The following SLC5A8 variants were observed in gnomAD, a reference collection of about 807,000 sequenced individuals.
SLC5A8 encodes solute carrier family 5 member 8, also known as sodium-coupled monocarboxylate transporter 1.
A neutral mutation model predicts 71.9 loss-of-function variants in SLC5A8; 55 were observed. That is an observed-to-expected ratio of 0.77 (90% CI 0.62 to 0.96). The LOEUF is 0.96. SLC5A8 is among the 40% of genes least tolerant of loss of function. The probability of loss-of-function intolerance (pLI) is 0.00; values close to 1 mark genes in which losing one functional copy is unlikely to be tolerated. For synonymous variants in SLC5A8, 307 were observed against 276.1 expected, an observed-to-expected ratio of 1.11 and a Z score of -1.11; for missense variants, 701 against 745.3, an observed-to-expected ratio of 0.94 and a Z score of 0.69.
At chr12:101,204,957 T>C (rs1045156374) in intron 1 of SLC5A8, among the ~76,000 whole-genome samples, 1 of 152,190 alleles carries the variant, frequency 6.6e-6, no homozygotes, top group African/African-American at 2.4e-5. Flanking sequence ...CTTTCTGTAT[T>C]TTTAGAGCGA....
intron 2 of SLC5A8, 152 bp from the exon 3 acceptor site, chr12:101,202,367 G>T: frequency 1.4e-6 from 1 of 702,584 alleles, no homozygotes; most frequent in Non-Finnish European, 2.2e-6. Context: ...TTTGTAACTT[G>T]CAAAATATTT....
Position 101,193,694 on chromosome 12 carries a change from A to T in SLC5A8, c.623T>A (p.Val208Glu). 6.2e-7 allele frequency: 1 copy of T among 1,614,206 alleles called. No individual in the cohort carries two copies. The highest frequency in any genetic ancestry group is 8.5e-7 in the Non-Finnish European group (1 of 1,180,026). The change falls in exon 5 of 15, where the codon GTG (valine) becomes GAG (glutamate). Residue 208 changes from valine to glutamate, a missense_variant. Coordinates refer to ENST00000536262, the MANE Select transcript of SLC5A8 (RefSeq NM_145913.5). ...AGFASVIIQA[V>E]VMQGGISTIL... Reference sequence around the variant, plus strand: ...AGTGCTGATTCCACCTTGCATCACCACAGCCTGTATAATCACGGATGCAAA... The same window carrying T: ...AGTGCTGATTCCACCTTGCATCACCTCAGCCTGTATAATCACGGATGCAAA...
intron 2 of SLC5A8, among the ~76,000 whole-genome samples, chr12:101,202,973 G>T (rs549107655): frequency 6.6e-6 from 1 of 152,302 alleles, no homozygotes; most frequent in Non-Finnish European, 1.5e-5. Context: ...CATGAGTAGA[G>T]CTATGAAGTC....
At chr12:101,183,035 CTTTT>C (rs34182928) in intron 8 of SLC5A8, 120 bp from the exon 9 acceptor site, 366 of 74,398 alleles carry the variant, frequency 4.9e-3, no homozygotes, top group South Asian at 0.02. Flanking sequence ...TTCTACTATG[CTTTT>C]TTTTTTTTTT....
chr12:101,158,590 CTCTCTCTCTATA>C (rs1350419729), intron 13 of SLC5A8, among the ~76,000 whole-genome samples: 692 of 31,140 alleles, frequency 0.022, 2 homozygotes, highest in Non-Finnish European at 0.027. Context: ...CTCTCTCTCT[CTCTCTCTCTATA>C]TATATATATA....
intron 13 of SLC5A8, among the ~76,000 whole-genome samples, chr12:101,160,943 G>T (rs1566304625): frequency 6.6e-6 from 1 of 152,040 alleles, no homozygotes; most frequent in Non-Finnish European, 1.5e-5. Context: ...AAACAAAAAA[G>T]AAAATGTCCA....
chr12:101,208,490 G>C lies in SLC5A8; in HGVS notation c.351+1008C>G, dbSNP rs141008504. 1.3e-3 allele frequency among the ~76,000 whole-genome samples: 196 copies of C among 152,248 alleles called. 1 individual carries two copies. Among genetic ancestry groups the C allele is most frequent in the Middle Eastern group, 6.8e-3 (2 of 294 alleles). Reference sequence around the variant, plus strand: ...GTGCTGGGTGAGGGAGACCACTGAAGGCACTGAACTGGGCCCCGCCACTCC... The same window carrying C: ...GTGCTGGGTGAGGGAGACCACTGAACGCACTGAACTGGGCCCCGCCACTCC... On this transcript the variant is annotated intron_variant, in intron 1 of 14. Transcript: ENST00000536262.
intron 12 of SLC5A8, among the ~76,000 whole-genome samples, chr12:101,166,141 A>C (rs1175527018): frequency 6.6e-6 from 1 of 152,222 alleles, no homozygotes; most frequent in African/African-American, 2.4e-5. Flanking sequence ...AGACTATATA[A>C]GCAATATTTA....
rs1420379049 is a variant in SLC5A8, at chr12:101,156,949, A to C, written c.*330T>G. 2.5e-5 allele frequency: 5 copies of C among 198,042 alleles called. No homozygotes were observed. The highest frequency in any genetic ancestry group is 5.1e-5 in the Non-Finnish European group (5 of 98,538). 12.3% of individuals were successfully genotyped at this position (198,042 alleles called of 1,614,324 possible). A position where few individuals can be genotyped will look rare whatever the true frequency, so the allele number is the denominator to read the frequency against. ...TGGAAAATATTTTCAATAATACCCAAATTTAAGAATATACCTTTGACAATC... is the reference window on the plus strand; with the variant it reads ...TGGAAAATATTTTCAATAATACCCACATTTAAGAATATACCTTTGACAATC... On this transcript the variant is annotated 3_prime_UTR_variant, in exon 15 of 15. Coordinates refer to ENST00000536262, the MANE Select transcript of SLC5A8 (RefSeq NM_145913.5).
intron 3 of SLC5A8, among the ~76,000 whole-genome samples, chr12:101,195,631 A>C (rs1050901534): frequency 6.6e-6 from 1 of 152,028 alleles, no homozygotes; most frequent in Non-Finnish European, 1.5e-5. Context: ...ATTCAAATGT[A>C]ATCTTTATAA....
At chr12:101,184,111 G>A (rs959436290) in intron 8 of SLC5A8, 23 bp downstream of exon 8, 1 of 1,589,988 alleles carries the variant, frequency 6.3e-7, no homozygotes, top group Non-Finnish European at 8.6e-7. Context: ...GAAATCATAT[G>A]TTATTAGAGT....
intron 3 of SLC5A8, 41 bp from the exon 4 acceptor site, chr12:101,195,203 G>A (rs1308239786): frequency 1.3e-6 from 2 of 1,588,362 alleles, no homozygotes; most frequent in Non-Finnish European, 1.7e-6. Context: ...TGTGAAATAT[G>A]CACAATAAAA....
At chr12:101,176,228 C>CA (rs573419237) in intron 10 of SLC5A8, among the ~76,000 whole-genome samples, 114 of 151,850 alleles carry the variant, frequency 7.5e-4, no homozygotes, top group African/African-American at 2.5e-3. Context: ...CACCTCACAG[C>CA]AAAAAAATTT....
At chr12:101,201,922 C>A (rs556413593) in intron 3 of SLC5A8, among the ~76,000 whole-genome samples, 1 of 152,274 alleles carries the variant, frequency 6.6e-6, no homozygotes, top group East Asian at 1.9e-4. Flanking sequence ...CTGATGGGCA[C>A]ATCCCAGAGA....
At chr12:101,166,154 C>T (rs2051767450) in intron 12 of SLC5A8, among the ~76,000 whole-genome samples, 1 of 152,142 alleles carries the variant, frequency 6.6e-6, no homozygotes, top group Non-Finnish European at 1.5e-5. Flanking sequence ...AATATTTATT[C>T]TATAATTGTG....
chr12:101,201,137 T>C (rs776040072), intron 3 of SLC5A8, among the ~76,000 whole-genome samples: 20 of 152,212 alleles, frequency 1.3e-4, no homozygotes, highest in Non-Finnish European at 2.6e-4. Flanking sequence ...AACCATAATA[T>C]GTTCAATTAC....
chr12:101,207,610 T>C (rs1869727524), intron 1 of SLC5A8, among the ~76,000 whole-genome samples: 1 of 152,140 alleles, frequency 6.6e-6, no homozygotes, highest in Admixed American at 6.5e-5. Flanking sequence ...AGAGCAGCAT[T>C]CATGTGTGGG....
At chr12:101,167,096 GA>G (rs1342327275) in intron 11 of SLC5A8, among the ~76,000 whole-genome samples, 1 of 152,142 alleles carries the variant, frequency 6.6e-6, no homozygotes. Context: ...TCTTCCGGAG[GA>G]AATACACGCT....
At chr12:101,177,487 G>GCA (rs1204408241) in intron 10 of SLC5A8, among the ~76,000 whole-genome samples, 11 of 142,394 alleles carry the variant, frequency 7.7e-5, no homozygotes, top group East Asian at 6.2e-4. Context: ...ACGCATGCAT[G>GCA]CACACACACA....
Sources: gnomAD v4.1 joint callset for allele counts (sites outside exome capture counted in the v4.1 genomes callset) on GRCh38, gnomAD v4.1.1 for gene constraint, MANE v1.5 for transcripts, NCBI Gene and HGNC (gene_info 2026-07-23, HGNC 2026-07-21) for gene names.